The following EPC1 variants were observed in gnomAD, a reference collection of about 807,000 sequenced individuals.
EPC1 encodes the protein enhancer of polycomb homolog 1.
Under a neutral mutation model 98.4 loss-of-function variants are expected in EPC1, and 12 were observed. That is an observed-to-expected ratio of 0.12 (90% CI 0.08 to 0.20). The LOEUF is 0.20. EPC1 is among the 10% of genes least tolerant of loss of function. The pLI is 1.00. For synonymous variants in EPC1, 357 were observed against 363.9 expected, an observed-to-expected ratio of 0.98 and a Z score of 0.21; for missense variants, 729 against 990.5, an observed-to-expected ratio of 0.74 and a Z score of 3.54.
At chr10:32,331,218 G>T (rs1303739347) in intron 1 of EPC1, among the ~76,000 whole-genome samples, 1 of 152,060 alleles carries the variant, frequency 6.6e-6, no homozygotes, top group African/African-American at 2.4e-5. Flanking sequence ...TGGGCATGGT[G>T]GTGGGTGCCT....
chr10:32,306,951 T>C (rs1314491352), intron 1 of EPC1, among the ~76,000 whole-genome samples: 1 of 152,088 alleles, frequency 6.6e-6, no homozygotes, highest in Non-Finnish European at 1.5e-5. Flanking sequence ...AGGTAGTCCA[T>C]TAGGAATGTG....
upstream of EPC1, among the ~76,000 whole-genome samples, chr10:32,351,573 G>A (rs972011361): frequency 6.6e-5 from 10 of 151,570 alleles, no homozygotes; most frequent in African/African-American, 1.9e-4. Context: ...CAGGAGAATC[G>A]CTTTAACCCG....
Position 32,284,796 on chromosome 10 carries a change from A to G in EPC1, c.1646T>C (p.Leu549Ser). Residue 549 changes from leucine to serine, a missense_variant, in exon 10 of 14, where the codon TTA becomes TCA. Leu to Ser is a moderately radical substitution (Grantham distance 145). Transcript: ENST00000319778. ...SDNDELSCRK[L>S]YRSINRTGTA... ...TCCTGTTCGGTTTATACTCCTATAT[A>G]ATTTTCTACAGGAGAGTTCATCATT... 3.1e-6 allele frequency: 5 copies of G among 1,614,180 alleles called. No individual in the cohort carries two copies. The highest frequency in any genetic ancestry group is 3.4e-6 in the Non-Finnish European group (4 of 1,180,032).
rs548326249 is a variant in EPC1, at chr10:32,371,771, G to A, written c.3+6720C>T. Among the ~76,000 whole-genome samples the A allele has an allele frequency of 1.8e-3, 273 of 152,100 alleles. 2 individuals are homozygous for A. Among genetic ancestry groups the A allele is most frequent in the African/African-American group, 6.3e-3 (261 of 41,494 alleles). ...CACACACAAAAATTAGCTGGGTGGG[G>A]TGGTGCAGTAGTCCCAGCTACTCGG... On this transcript the variant is annotated intron_variant, in intron 1 of 13. Transcript: ENST00000375110.
At chr10:32,325,661 G>A (rs763055271) in intron 1 of EPC1, among the ~76,000 whole-genome samples, 5 of 152,078 alleles carry the variant, frequency 3.3e-5, no homozygotes, top group Non-Finnish European at 2.9e-5. Context: ...CATACTAAAA[G>A]TTTGTATCAT....
intron 1 of EPC1, chr10:32,378,480 T>C: frequency 6.5e-7 from 1 of 1,546,462 alleles, no homozygotes; most frequent in Non-Finnish European, 8.7e-7. Context: ...TGGTGAAAAT[T>C]ACAAACTTAC....
At chr10:32,377,173 TTTG>T (rs1185847879) in intron 1 of EPC1, 1 of 152,204 alleles carries the variant, frequency 6.6e-6, no homozygotes, top group African/African-American at 2.4e-5. Flanking sequence ...TTCCAAAATA[TTTG>T]TTATTTTTAA....
At chr10:32,317,259 T>G (rs545427459) in intron 1 of EPC1, among the ~76,000 whole-genome samples, 1 of 152,324 alleles carries the variant, frequency 6.6e-6, no homozygotes, top group South Asian at 2.1e-4. Context: ...AAATACTTAT[T>G]TAATAAATAA....
At chr10:32,271,372 T>G (rs751112044) in intron 13 of EPC1, among the ~76,000 whole-genome samples, 182 bp downstream of exon 13, 1 of 152,194 alleles carries the variant, frequency 6.6e-6, no homozygotes, top group Non-Finnish European at 1.5e-5. Flanking sequence ...ATTCTTAATA[T>G]TGAATTAAGT....
intron 1 of EPC1, among the ~76,000 whole-genome samples, chr10:32,329,180 T>A (rs1357111092): frequency 6.6e-6 from 1 of 152,226 alleles, no homozygotes; most frequent in Admixed American, 6.5e-5. Flanking sequence ...AAAAGTGGCA[T>A]GTAACTTCTG....
intron 1 of EPC1, among the ~76,000 whole-genome samples, chr10:32,353,252 GA>G (rs1839177486): frequency 6.6e-6 from 1 of 152,166 alleles, no homozygotes; most frequent in African/African-American, 2.4e-5. Context: ...ATCGAAGAAA[GA>G]GATGTTTAAG....
intron 1 of EPC1, among the ~76,000 whole-genome samples, chr10:32,318,505 C>T (rs759086490): frequency 6.6e-6 from 1 of 152,154 alleles, no homozygotes; most frequent in African/African-American, 2.4e-5. Context: ...TAAATCTTAA[C>T]TTCTAGCTCA....
chr10:32,295,035 T>TC (rs1386352878), intron 2 of EPC1, among the ~76,000 whole-genome samples: 1 of 152,146 alleles, frequency 6.6e-6, no homozygotes, highest in African/African-American at 2.4e-5. Context: ...TTTTGATTTT[T>TC]CCCCACCCAA....
chr10:32,377,663 G>A (rs527862400), intron 1 of EPC1, among the ~76,000 whole-genome samples: 2 of 152,108 alleles, frequency 1.3e-5, no homozygotes, highest in South Asian at 2.1e-4. Context: ...AATAAAGGGA[G>A]AAGAGAATAG....
At position 32,286,790 on chromosome 10, in the gene EPC1, C is replaced by A. The variant is rs377106232; in HGVS notation, c.1295G>T (p.Gly432Val). The change falls in exon 9 of 14, where the codon GGA becomes GTA. Residue 432 changes from glycine (G) to valine (V), a missense_variant. Gly to Val is a moderately radical substitution (Grantham distance 109). Transcript: ENST00000319778. ...GTATCTATATCGCACATCCCCTAAT[C>A]CTCCATCTTTAGGACTAGTCCAAGG... ...NWPWTSPKDGGLGDVRYRYCL... is the reference protein window; with the variant it reads ...NWPWTSPKDGVLGDVRYRYCL... 8 of 1,613,950 alleles carry A rather than the reference C, an allele frequency of 5.0e-6. No individual in the cohort carries two copies. In the African/African-American group the frequency reaches 1.1e-4, roughly 22 times the overall value.
intron 1 of EPC1, among the ~76,000 whole-genome samples, chr10:32,334,031 C>T (rs1219207984): frequency 6.6e-6 from 1 of 152,340 alleles, no homozygotes; most frequent in African/African-American, 2.4e-5. Flanking sequence ...CAAACATGTA[C>T]TACCTTTCAT....
At chr10:32,332,362 C>T (rs1176602663) in intron 1 of EPC1, among the ~76,000 whole-genome samples, 1 of 152,176 alleles carries the variant, frequency 6.6e-6, no homozygotes, top group African/African-American at 2.4e-5. Context: ...GAGCAGAGGG[C>T]TTGTGGTAGC....
chr10:32,351,299 G>A (rs1036199871), upstream of EPC1, among the ~76,000 whole-genome samples: 23 of 152,064 alleles, frequency 1.5e-4, no homozygotes, highest in African/African-American at 4.3e-4. Context: ...GTCCAACATC[G>A]TTTGTCATTA....
In EPC1 at chr10:32,346,862, C is replaced by T. The variant is rs1838866218; in HGVS notation, c.54G>A (p.Pro18=). ...ARALDASKPL[P]VFRCEDLPDL... Reference sequence around the variant, plus strand: ...CGGGCAGATCCTCACAGCGGAAAACCGGCAGCGGCTTCGAGGCGTCTAGCG... The same window carrying T: ...CGGGCAGATCCTCACAGCGGAAAACTGGCAGCGGCTTCGAGGCGTCTAGCG... The change falls in exon 1 of 14, where the codon CCG becomes CCA. Residue 18 remains proline, a synonymous_variant. Transcript: ENST00000319778. 2 of 1,614,168 alleles carry T rather than the reference C, an allele frequency of 1.2e-6. No homozygotes were observed. The highest frequency in any genetic ancestry group is 1.7e-6 in the Non-Finnish European group (2 of 1,180,024).
Sources: allele counts gnomAD v4.1 joint callset (sites outside exome capture counted in the v4.1 genomes callset), GRCh38; gene constraint gnomAD v4.1.1; transcripts MANE v1.5; gene names NCBI Gene and HGNC (gene_info 2026-07-23, HGNC 2026-07-21).